Variants in AGBL4 observed in about 807,000 individuals in gnomAD.
The protein encoded by AGBL4 is AGBL carboxypeptidase 4, also known as cytosolic carboxypeptidase 6.
A neutral mutation model predicts 66.4 loss-of-function variants in AGBL4; 58 were observed. That is an observed-to-expected ratio of 0.87 (90% CI 0.71 to 1.09). The LOEUF (loss-of-function observed/expected upper bound fraction) is 1.09, where lower values mean the gene tolerates loss of function less well. AGBL4 is among the 50% of genes least tolerant of loss of function. The pLI, the probability that AGBL4 is intolerant of heterozygous loss-of-function variation, is 0.00. For synonymous variants in AGBL4, 234 were observed against 222.9 expected, an observed-to-expected ratio of 1.05 and a Z score of -0.44; for missense variants, 579 against 631.0, an observed-to-expected ratio of 0.92 and a Z score of 0.88.
At chr1:49,067,850 G>T (rs964895474) in intron 4 of AGBL4, among the ~76,000 whole-genome samples, 1 of 152,044 alleles carries the variant, frequency 6.6e-6, no homozygotes. Flanking sequence ...TTCGTTTGCT[G>T]CACCCATCAA....
intron 3 of AGBL4, among the ~76,000 whole-genome samples, chr1:49,289,897 A>C (rs1644501678): frequency 6.6e-6 from 1 of 152,172 alleles, no homozygotes; most frequent in Non-Finnish European, 1.5e-5. Context: ...GAAAAAACTC[A>C]ACAATACCAA....
At chr1:49,820,413 A>T (rs958409918) in intron 2 of AGBL4, among the ~76,000 whole-genome samples, 1 of 152,316 alleles carries the variant, frequency 6.6e-6, no homozygotes, top group East Asian at 1.9e-4. Context: ...GTATCCCATA[A>T]TATGTTCCTG....
intron 3 of AGBL4, among the ~76,000 whole-genome samples, chr1:49,657,507 CT>C (rs1161268626): frequency 1.3e-5 from 2 of 152,182 alleles, no homozygotes; most frequent in Non-Finnish European, 2.9e-5. Flanking sequence ...GAAAAAACTG[CT>C]TTAAAGTTCA....
chr1:49,796,405 T>C (rs887436679), intron 2 of AGBL4, among the ~76,000 whole-genome samples: 1 of 151,606 alleles, frequency 6.6e-6, no homozygotes, highest in Non-Finnish European at 1.5e-5. Flanking sequence ...TGCAACATTA[T>C]TAAAAATAGT....
chr1:49,352,773 TG>T (rs1189053673), intron 3 of AGBL4, among the ~76,000 whole-genome samples: 3 of 152,244 alleles, frequency 2.0e-5, no homozygotes, highest in Non-Finnish European at 4.4e-5. Context: ...ACTTTAGACA[TG>T]TTACTGCTAA....
At chr1:49,158,632 C>T (rs939957884) in intron 4 of AGBL4, among the ~76,000 whole-genome samples, 1 of 151,946 alleles carries the variant, frequency 6.6e-6, no homozygotes, top group Admixed American at 6.6e-5. Context: ...TGTTAATTTT[C>T]TGTCTTGTTG....
intron 6 of AGBL4, among the ~76,000 whole-genome samples, chr1:48,783,091 GC>G (rs1645334502): frequency 6.6e-6 from 1 of 152,036 alleles, no homozygotes; most frequent in African/African-American, 2.4e-5. Flanking sequence ...TTGTCTTATG[GC>G]CTTTTACATT....
At position 49,887,783 on chromosome 1, in the gene AGBL4, G is replaced by A. The variant is rs1162544086; in HGVS notation, c.35-36265C>T. Among the ~76,000 whole-genome samples the A allele has an allele frequency of 3.3e-5, 5 of 152,026 alleles. No homozygotes were observed. The East Asian group carries it at 7.7e-4, about 23-fold the overall frequency. On this transcript the variant is annotated intron_variant, in intron 1 of 13. Transcript: ENST00000371839. Reference sequence around the variant, plus strand: ...TGAAAATGACAGATATCTGCATGGCGTACCGAACAATTAGTTGTTGTTATT... The same window carrying A: ...TGAAAATGACAGATATCTGCATGGCATACCGAACAATTAGTTGTTGTTATT...
intron 4 of AGBL4, among the ~76,000 whole-genome samples, chr1:49,058,368 G>T (rs1644343392): frequency 6.6e-6 from 1 of 152,154 alleles, no homozygotes; most frequent in African/African-American, 2.4e-5. Flanking sequence ...CACAAGATCT[G>T]ATGGTTTTAT....
intron 6 of AGBL4, among the ~76,000 whole-genome samples, chr1:48,746,165 A>G (rs1226340951): frequency 2.0e-5 from 3 of 152,144 alleles, no homozygotes; most frequent in African/African-American, 7.3e-5. Flanking sequence ...ATTAAATCAG[A>G]TAACTATATA....
At chr1:49,906,691 T>C (rs959283838) in intron 1 of AGBL4, among the ~76,000 whole-genome samples, 1 of 152,076 alleles carries the variant, frequency 6.6e-6, no homozygotes, top group African/African-American at 2.4e-5. Flanking sequence ...TAAGATGTGA[T>C]ATATGTGTAT....
chr1:49,469,122 C>T (rs182821181), intron 3 of AGBL4, among the ~76,000 whole-genome samples: 1 of 151,868 alleles, frequency 6.6e-6, no homozygotes, highest in East Asian at 1.9e-4. Context: ...TTCATCTGCT[C>T]ATAACTGTTA....
At chr1:49,754,579 G>A (rs1054691092) in intron 2 of AGBL4, among the ~76,000 whole-genome samples, 2 of 152,066 alleles carry the variant, frequency 1.3e-5, no homozygotes, top group African/African-American at 4.8e-5. Context: ...GTCCCAGAGG[G>A]GCACCCAACA....
intron 8 of AGBL4, among the ~76,000 whole-genome samples, chr1:48,648,879 C>G (rs1403273938): frequency 6.6e-6 from 1 of 152,232 alleles, no homozygotes; most frequent in African/African-American, 2.4e-5. Context: ...GCTAAAACAA[C>G]TGGGCCAGGA....
intron 4 of AGBL4, among the ~76,000 whole-genome samples, chr1:49,057,217 A>G (rs1476729538): frequency 6.6e-6 from 1 of 152,178 alleles, no homozygotes; most frequent in Non-Finnish European, 1.5e-5. Flanking sequence ...CCTGGGCAAC[A>G]TGGCAAAATC....
At chr1:49,103,693 C>T (rs1255050393) in intron 4 of AGBL4, among the ~76,000 whole-genome samples, 1 of 152,118 alleles carries the variant, frequency 6.6e-6, no homozygotes, top group Non-Finnish European at 1.5e-5. Context: ...GTAACTGGTA[C>T]TTGTGTTACT....
chr1:48,676,043 AC>A lies in AGBL4; in HGVS notation c.635-12803del, dbSNP rs536011703. Among the ~76,000 whole-genome samples, 69 of 152,330 alleles carry A rather than the reference AC, an allele frequency of 4.5e-4. 2 individuals carry two copies. The highest frequency in any genetic ancestry group is 6.8e-3 in the Middle Eastern group (2 of 294). ...CCTAGGATAAACCTGGATTCTTTCT[AC>A]AAATTCTACCTCAGGTTATACCTGG... On this transcript the variant is annotated intron_variant, in intron 6 of 13. Coordinates refer to ENST00000371839, the MANE Select transcript of AGBL4 (RefSeq NM_032785.4).
intron 1 of AGBL4, among the ~76,000 whole-genome samples, chr1:49,942,347 C>T (rs1654837573): frequency 6.6e-6 from 1 of 151,990 alleles, no homozygotes; most frequent in African/African-American, 2.4e-5. Context: ...TCCTAAAATT[C>T]TTATGGAACC....
At chr1:50,005,125 C>T (rs1661034326) in intron 1 of AGBL4, among the ~76,000 whole-genome samples, 1 of 152,082 alleles carries the variant, frequency 6.6e-6, no homozygotes, top group South Asian at 2.1e-4. Context: ...ATTGTAGAGC[C>T]TTAGGGACTT....
Sources: allele counts gnomAD v4.1 joint callset (sites outside exome capture counted in the v4.1 genomes callset), GRCh38; gene constraint gnomAD v4.1.1; transcripts MANE v1.5; gene names NCBI Gene and HGNC (gene_info 2026-07-23, HGNC 2026-07-21).